Variants in EEIG2 observed in about 807,000 individuals in gnomAD.
The protein encoded by EEIG2 is EEIG family member 2.
At chr1:108,596,761 CTG>C in the EEIG2 span, among the ~76,000 whole-genome samples, 1 of 150,564 alleles carries the variant, frequency 6.6e-6, no homozygotes, top group South Asian at 2.1e-4. Flanking sequence ...TTTTTTAAGA[CTG>C]TATCTTGCTC....
the EEIG2 span, among the ~76,000 whole-genome samples, chr1:108,592,192 A>G: frequency 2.6e-5 from 4 of 152,266 alleles, no homozygotes; most frequent in African/African-American, 9.6e-5. Context: ...TGCTAGACAC[A>G]GGAAAGGGCT....
At chr1:108,562,494 C>G in the EEIG2 span, among the ~76,000 whole-genome samples, 3 of 152,134 alleles carry the variant, frequency 2.0e-5, no homozygotes, top group African/African-American at 7.2e-5. Flanking sequence ...CAATAAGGAG[C>G]CTGTGCCTTT....
At chr1:108,630,948 CTCCT>C in the EEIG2 span, among the ~76,000 whole-genome samples, 13 of 152,254 alleles carry the variant, frequency 8.5e-5, no homozygotes, top group Admixed American at 8.5e-4. Context: ...TAATGAGTAC[CTCCT>C]ATTTGTCCAG....
chr1:108,629,601 G>A, the EEIG2 span: 1 of 1,610,612 alleles, frequency 6.2e-7, no homozygotes, highest in East Asian at 2.2e-5. Context: ...AAGGACTAAG[G>A]CTATTTGTGG....
At chr1:108,628,728 C>T in the EEIG2 span, 1 of 1,613,408 alleles carries the variant, frequency 6.2e-7, no homozygotes, top group Non-Finnish European at 8.5e-7. Context: ...GAGTTGATGA[C>T]ACCAGGGTGG....
the EEIG2 span, among the ~76,000 whole-genome samples, chr1:108,577,794 T>C: frequency 4.9e-5 from 7 of 143,386 alleles, no homozygotes; most frequent in Non-Finnish European, 1.1e-4. Flanking sequence ...TCTTTTTTGG[T>C]TCCATATGAA....
the EEIG2 span, chr1:108,636,094 G>C: frequency 1.3e-5 from 2 of 152,342 alleles, no homozygotes; most frequent in African/African-American, 4.8e-5. Context: ...ACAGCTGCTT[G>C]CCATGACTGA....
At chr1:108,579,753 G>A in the EEIG2 span, among the ~76,000 whole-genome samples, 1 of 79,440 alleles carries the variant, frequency 1.3e-5, no homozygotes, top group African/African-American at 5.4e-5. Flanking sequence ...GTGTGTGTGT[G>A]TGTGTGTGTG....
At chr1:108,561,208 A>C in the EEIG2 span, among the ~76,000 whole-genome samples, 45 of 152,232 alleles carry the variant, frequency 3.0e-4, no homozygotes, top group Non-Finnish European at 1.8e-4. Context: ...CCCTCATTTT[A>C]AAATGAGCCC....
chr1:108,625,774 C>CTCTGTGTG, the EEIG2 span: 250 of 23,204 alleles, frequency 0.011, 1 homozygote, highest in African/African-American at 0.015. Flanking sequence ...CTCTCTCTCT[C>CTCTGTGTG]TGTGTGTGTG....
the EEIG2 span, among the ~76,000 whole-genome samples, chr1:108,593,024 G>GACCA: frequency 2.6e-5 from 4 of 152,042 alleles, no homozygotes; most frequent in Non-Finnish European, 4.4e-5. Flanking sequence ...TAGGCATGGT[G>GACCA]GCACACACCT....
the EEIG2 span, among the ~76,000 whole-genome samples, chr1:108,596,753 T>G: frequency 6.6e-6 from 1 of 152,116 alleles, no homozygotes; most frequent in African/African-American, 2.4e-5. Context: ...TTGTTTTTTT[T>G]TTTAAGACTG....
chr1:108,604,488 G>A, the EEIG2 span, among the ~76,000 whole-genome samples: 1 of 152,154 alleles, frequency 6.6e-6, no homozygotes, highest in Non-Finnish European at 1.5e-5. Context: ...TGGATGATTG[G>A]GATATGACTA....
the EEIG2 span, chr1:108,612,167 T>C: frequency 6.3e-7 from 1 of 1,587,362 alleles, no homozygotes; most frequent in South Asian, 1.1e-5. Context: ...TAATTCTCTT[T>C]CTTTTCATAG....
At chr1:108,612,168 C>A in the EEIG2 span, 15 of 1,587,184 alleles carry the variant, frequency 9.5e-6, no homozygotes, top group South Asian at 1.2e-4. Context: ...AATTCTCTTT[C>A]TTTTCATAGC....
At chr1:108,629,836 A>G in the EEIG2 span, 2 of 659,176 alleles carry the variant, frequency 3.0e-6, no homozygotes, top group Non-Finnish European at 5.6e-6. Context: ...AATTCTGGGT[A>G]TGTTTGACAT....
the EEIG2 span, among the ~76,000 whole-genome samples, chr1:108,587,326 C>G: frequency 1.3e-5 from 2 of 152,142 alleles, no homozygotes; most frequent in African/African-American, 2.4e-5. Context: ...CCTATACCTC[C>G]TGTCCCCACA....
the EEIG2 span, chr1:108,628,079 C>A: frequency 8.9e-7 from 1 of 1,122,572 alleles, no homozygotes; most frequent in Non-Finnish European, 1.3e-6. Context: ...ATGAACTTGG[C>A]AGAGTTTATA....
At chr1:108,627,020 G>A in the EEIG2 span, 1 of 152,154 alleles carries the variant, frequency 6.6e-6, no homozygotes, top group East Asian at 1.9e-4. Flanking sequence ...CTCTAAGCAT[G>A]TATTTTGTCT....
Sources: allele counts gnomAD v4.1 joint callset (sites outside exome capture counted in the v4.1 genomes callset), GRCh38; gene constraint gnomAD v4.1.1; transcripts MANE v1.5; gene names NCBI Gene and HGNC (gene_info 2026-07-23, HGNC 2026-07-21).